Variants in STK33 observed in about 807,000 individuals in gnomAD.
STK33 encodes the protein serine/threonine kinase 33.
A neutral mutation model predicts 58.0 loss-of-function variants in STK33; 52 were observed. That is an observed-to-expected ratio of 0.90 (90% confidence interval 0.72 to 1.13). The LOEUF (loss-of-function observed/expected upper bound fraction) is 1.13, where lower values mean the gene tolerates loss of function less well. Ranked by LOEUF, STK33 falls within the 50% of genes most tolerant of loss-of-function variation. STK33 has a pLI of 0.00. For synonymous variants in STK33, 215 were observed against 200.1 expected (o/e 1.07, Z -0.63); for missense variants, 630 against 604.2 (o/e 1.04, Z -0.45).
intron 1 of STK33, among the ~76,000 whole-genome samples, chr11:8,527,481 T>C (rs1402676644): frequency 1.3e-5 from 2 of 152,114 alleles, no homozygotes; most frequent in South Asian, 2.1e-4. Context: ...AGTTTTTGTT[T>C]TTTTTTTTAA....
At chr11:8,414,353 T>C (rs1024144879) in intron 14 of STK33, among the ~76,000 whole-genome samples, 7 of 152,144 alleles carry the variant, frequency 4.6e-5, no homozygotes, top group African/African-American at 1.7e-4. Flanking sequence ...AAGAAATATA[T>C]GAATGCAAGC....
At position 8,394,165 on chromosome 11, in the gene STK33, T is replaced by G. The variant is rs145228591; in HGVS notation, c.1345-1455A>C. ...GTAGAAAATATTTAAAATTCTTTAG[T>G]ATTCCCTCACATAGGTTGTATTTTT... On this transcript the variant is annotated intron_variant, in intron 15 of 15. Transcript: ENST00000687296. Among the ~76,000 whole-genome samples, 511 of 152,332 alleles carry G rather than the reference T, an allele frequency of 3.4e-3. 5 individuals are homozygous for G. Among genetic ancestry groups the G allele is most frequent in the African/African-American group, 0.012 (486 of 41,578 alleles).
chr11:8,557,319 A>T (rs777575652), intron 1 of STK33, among the ~76,000 whole-genome samples: 10 of 133,710 alleles, frequency 7.5e-5, no homozygotes, highest in African/African-American at 2.6e-4. Context: ...GAGGAGGAGA[A>T]AAGAAAGAGG....
At chr11:8,450,889 T>A (rs545934814) in intron 11 of STK33, among the ~76,000 whole-genome samples, 1 of 152,312 alleles carries the variant, frequency 6.6e-6, no homozygotes, top group South Asian at 2.1e-4. Flanking sequence ...TAGGTACAGA[T>A]TTAAATAGAC....
Position 8,436,139 on chromosome 11 carries a change from T to G in STK33, c.948A>C (p.Leu316Phe), listed in dbSNP as rs1261067376. The G allele has an allele frequency of 6.5e-7, 1 of 1,544,178 alleles. No homozygotes were observed. Among genetic ancestry groups the G allele is most frequent in the Non-Finnish European group, 8.7e-7 (1 of 1,144,732 alleles). ...CCAAAAAGGGTGGTTCTCCACGTAA[T>G]CTGCAACAAAGGCAATCACTTTGTT... ...IWSIGVVMYMLLRGEPPFLAS... is the reference protein window; with the variant it reads ...IWSIGVVMYMFLRGEPPFLAS... Residue 316 changes from leucine to phenylalanine, a missense_variant and splice_region_variant, in exon 13 of 16, where the codon TTA becomes TTC. By Grantham distance (22) the Leu-to-Phe change is conservative. Transcript: ENST00000687296.
intron 1 of STK33, among the ~76,000 whole-genome samples, chr11:8,496,246 G>A (rs573841085): frequency 3.2e-4 from 48 of 152,200 alleles, no homozygotes; most frequent in Non-Finnish European, 5.9e-4. Context: ...AGGAACAACT[G>A]CAGTTATCCT....
intron 1 of STK33, among the ~76,000 whole-genome samples, chr11:8,531,358 T>G (rs1954534365): frequency 6.6e-6 from 1 of 152,250 alleles, no homozygotes; most frequent in Non-Finnish European, 1.5e-5. Context: ...CAAACTACCC[T>G]AAAACTTAGT....
chr11:8,538,248 TATA>T (rs1336922564), intron 1 of STK33, among the ~76,000 whole-genome samples: 1 of 152,154 alleles, frequency 6.6e-6, no homozygotes, highest in Non-Finnish European at 1.5e-5. Flanking sequence ...TGTCAGGCAC[TATA>T]ATGAGTATCT....
chr11:8,584,926 T>G (rs1477595490), intron 1 of STK33, among the ~76,000 whole-genome samples: 1 of 22,946 alleles, frequency 4.4e-5, no homozygotes, highest in Non-Finnish European at 9.6e-5. Context: ...AAGAAAATGA[T>G]TTTTTTTTTT....
chr11:8,394,407 A>G (rs542098297), intron 15 of STK33, among the ~76,000 whole-genome samples: 40 of 152,336 alleles, frequency 2.6e-4, no homozygotes, highest in African/African-American at 9.1e-4. Context: ...TGACATTTCT[A>G]CTTGGATTTT....
intron 1 of STK33, among the ~76,000 whole-genome samples, chr11:8,593,239 T>C (rs1192763946): frequency 6.6e-6 from 1 of 152,182 alleles, no homozygotes; most frequent in East Asian, 1.9e-4. Context: ...AGGAAAGAGT[T>C]TGGGTTCAAA....
intron 1 of STK33, among the ~76,000 whole-genome samples, chr11:8,519,085 T>C (rs1242621629): frequency 6.6e-6 from 1 of 152,214 alleles, no homozygotes; most frequent in East Asian, 1.9e-4. Flanking sequence ...GACCACATAG[T>C]TGGAAGTAAA....
chr11:8,504,073 C>T (rs576639414), intron 1 of STK33, among the ~76,000 whole-genome samples: 7 of 152,138 alleles, frequency 4.6e-5, no homozygotes, highest in Non-Finnish European at 1.0e-4. Context: ...GTTTGCTCTG[C>T]CAGGAACTCA....
intron 15 of STK33, among the ~76,000 whole-genome samples, chr11:8,410,470 CTTT>C (rs11382344): frequency 8.2e-6 from 1 of 121,848 alleles, no homozygotes; most frequent in African/African-American, 3.1e-5. Flanking sequence ...CTTTTCTTTT[CTTT>C]TTTTTTTTTT....
intron 1 of STK33, among the ~76,000 whole-genome samples, chr11:8,496,245 T>G (rs999928162): frequency 2.0e-5 from 3 of 152,192 alleles, no homozygotes; most frequent in African/African-American, 7.2e-5. Flanking sequence ...CAGGAACAAC[T>G]GCAGTTATCC....
the STK33 span, among the ~76,000 whole-genome samples, chr11:8,339,319 A>C: frequency 1.3e-5 from 2 of 152,190 alleles, no homozygotes; most frequent in African/African-American, 4.8e-5. Context: ...AAAAACCTGC[A>C]CAGGAAACGA....
intron 1 of STK33, among the ~76,000 whole-genome samples, chr11:8,505,137 C>T (rs1416041311): frequency 6.6e-6 from 1 of 152,182 alleles, no homozygotes; most frequent in Non-Finnish European, 1.5e-5. Context: ...CAGCCATAAA[C>T]TGTAGTCTGT....
intron 14 of STK33, among the ~76,000 whole-genome samples, chr11:8,423,762 CTTT>C (rs1230576433): frequency 6.6e-6 from 1 of 151,850 alleles, no homozygotes; most frequent in Non-Finnish European, 1.5e-5. Context: ...ATTTTTGTTT[CTTT>C]GTTTCATATA....
At chr11:8,430,783 T>C (rs902228927) in intron 14 of STK33, among the ~76,000 whole-genome samples, 1 of 152,144 alleles carries the variant, frequency 6.6e-6, no homozygotes, top group African/African-American at 2.4e-5. Flanking sequence ...AATAAATATT[T>C]GTTGAATTAT....
Sources: gnomAD v4.1 joint callset for allele counts (sites outside exome capture counted in the v4.1 genomes callset) on GRCh38, gnomAD v4.1.1 for gene constraint, MANE v1.5 for transcripts, NCBI Gene and HGNC (gene_info 2026-07-23, HGNC 2026-07-21) for gene names.